ENOX1: variants seen among roughly 807,000 people sequenced by gnomAD.
ENOX1 encodes candidate growth-related and time keeping constitutive hydroquinone (NADH) oxidase.
In ENOX1, 42 loss-of-function variants were observed where a neutral mutation model predicts 82.5. The observed-to-expected ratio is 0.51, with a 90% CI of 0.40 to 0.66. The LOEUF is 0.66. Among genes scored for constraint, ENOX1 ranks in the 30% least tolerant of loss-of-function variants. The pLI is 0.00. For missense variants in ENOX1, 608 were observed against 811.6 expected (o/e 0.75, Z 3.05); for synonymous variants, 271 against 282.2 (o/e 0.96, Z 0.40).
chr13:43,761,334 G>A (rs990844411), intron 1 of ENOX1, among the ~76,000 whole-genome samples: 5 of 152,118 alleles, frequency 3.3e-5, no homozygotes, highest in African/African-American at 9.7e-5. Flanking sequence ...TACCTCAGAC[G>A]ATAAAGAAAA....
At chr13:43,474,698 C>G (rs1366189002) in intron 3 of ENOX1, among the ~76,000 whole-genome samples, 1 of 152,152 alleles carries the variant, frequency 6.6e-6, no homozygotes, top group Non-Finnish European at 1.5e-5. Context: ...TGAATATTTT[C>G]TCAAACTGTA....
intron 2 of ENOX1, among the ~76,000 whole-genome samples, chr13:43,661,991 T>C (rs986976779): frequency 2.5e-5 from 2 of 80,972 alleles, no homozygotes; most frequent in African/African-American, 4.6e-5. Context: ...GAACAACAGA[T>C]TGATTTTTTT....
At chr13:43,274,049 C>T (rs1048592354) in intron 12 of ENOX1, among the ~76,000 whole-genome samples, 2 of 152,010 alleles carry the variant, frequency 1.3e-5, no homozygotes, top group Non-Finnish European at 2.9e-5. Flanking sequence ...CAAAAACAAC[C>T]CCCCAAAACA....
chr13:43,412,055 T>A lies in ENOX1; in HGVS notation c.71-2A>T, dbSNP rs1170954151. The A allele has an allele frequency of 1.2e-6, 2 of 1,613,214 alleles. No homozygotes were observed. The highest frequency in any genetic ancestry group is 1.7e-6 in the Non-Finnish European group (2 of 1,179,356). On this transcript the variant is annotated splice_acceptor_variant, in intron 4 of 16. Coordinates refer to ENST00000690772, the MANE Select transcript of ENOX1 (RefSeq NM_001347969.2). LOFTEE classifies it high-confidence loss of function. ...CTATACTCCCCAAACCATCGGCTGC[T>A]GTGGGGAAAAACAAACCATGATTTA... is the stretch of plus-strand genomic sequence containing the variant.
intron 1 of ENOX1, among the ~76,000 whole-genome samples, chr13:43,711,765 G>A (rs1350671272): frequency 6.6e-6 from 1 of 151,462 alleles, no homozygotes; most frequent in Non-Finnish European, 1.5e-5. Context: ...TTTTGATGGG[G>A]TTGTTTGTTT....
chr13:43,470,310 ATATATACACATATATATATG>A lies in ENOX1; in HGVS notation c.-75+13679_-75+13698del, dbSNP rs1413740186. On this transcript the variant is annotated intron_variant, in intron 3 of 16. Transcript: ENST00000690772. ...TATATATATACACATATATATACAT[ATATATACACATATATATATG>A]TATATATATACGTATATATATATGT... Among the ~76,000 whole-genome samples, 207 of 57,606 alleles carry A rather than the reference ATATATACACATATATATATG, an allele frequency of 3.6e-3. 5 individuals are homozygous for A. The highest frequency in any genetic ancestry group is 5.5e-3 in the East Asian group (19 of 3,484). The allele number at this position is 57,606 out of a possible 152,430, so 37.8% of individuals were successfully genotyped here. A position where few individuals can be genotyped will look rare whatever the true frequency, so the allele number is the denominator to read the frequency against.
chr13:43,321,671 G>C (rs999723348), intron 11 of ENOX1, among the ~76,000 whole-genome samples: 3 of 152,194 alleles, frequency 2.0e-5, no homozygotes, highest in Non-Finnish European at 2.9e-5. Context: ...TTTTGGGAAT[G>C]ATGGCAATTA....
chr13:43,635,646 T>A lies in ENOX1; in HGVS notation c.-219+31833A>T, dbSNP rs536319320. Among the ~76,000 whole-genome samples the A allele has an allele frequency of 3.9e-5, 6 of 152,256 alleles. No individual in the cohort carries two copies. In the East Asian group the frequency reaches 1.2e-3, roughly 29 times the overall value. On this transcript the variant is annotated intron_variant, in intron 2 of 16. Coordinates refer to ENST00000690772, the MANE Select transcript of ENOX1 (RefSeq NM_001347969.2). ...GTCTAAAATTATCCAATATAAAATA[T>A]GATGTATATCAGGATTTTGTTGGAT...
intron 2 of ENOX1, among the ~76,000 whole-genome samples, chr13:43,585,612 C>T (rs2080941526): frequency 6.6e-6 from 1 of 152,240 alleles, no homozygotes; most frequent in African/African-American, 2.4e-5. Flanking sequence ...GAGTCTCACA[C>T]TGTGGCCTGG....
intron 9 of ENOX1, among the ~76,000 whole-genome samples, chr13:43,328,321 A>AAC (rs2048231972): frequency 6.6e-6 from 1 of 152,190 alleles, no homozygotes; most frequent in African/African-American, 2.4e-5. Context: ...GGCAACACAG[A>AAC]ACAGTCAGCC....
At chr13:43,352,378 C>A (rs1382918193) in intron 8 of ENOX1, among the ~76,000 whole-genome samples, 2 of 152,192 alleles carry the variant, frequency 1.3e-5, no homozygotes, top group Non-Finnish European at 2.9e-5. Flanking sequence ...CAAGAGAAAT[C>A]CCGGTGAATT....
At position 43,526,489 on chromosome 13, in the gene ENOX1, G is replaced by GA. The variant is rs950238827; in HGVS notation, c.-218-42338dup. Among the ~76,000 whole-genome samples the GA allele has an allele frequency of 5.4e-4, 82 of 151,674 alleles. No individual in the cohort carries two copies. The East Asian group carries it at 7.4e-3, about 14-fold the overall frequency. On this transcript the variant is annotated intron_variant, in intron 2 of 16. Transcript: ENST00000690772. ...AAAAGGCATAGCTTTCTAAAATACT[G>GA]AAAAAAAATAAAATTTTAATGTTCT... is the stretch of plus-strand genomic sequence containing the variant.
At chr13:43,642,421 A>C (rs73184177) in intron 2 of ENOX1, among the ~76,000 whole-genome samples, 1 of 152,344 alleles carries the variant, frequency 6.6e-6, no homozygotes, top group Non-Finnish European at 1.5e-5. Context: ...AGTTTAAACA[A>C]GAAAGTTTCC....
intron 1 of ENOX1, among the ~76,000 whole-genome samples, chr13:43,759,624 A>G (rs868396899): frequency 2.6e-5 from 4 of 152,246 alleles, no homozygotes; most frequent in Non-Finnish European, 5.9e-5. Flanking sequence ...TCAGAGGATG[A>G]CACTCTAAAC....
intron 1 of ENOX1, among the ~76,000 whole-genome samples, chr13:43,750,283 T>A (rs966115891): frequency 6.6e-6 from 1 of 152,160 alleles, no homozygotes; most frequent in Non-Finnish European, 1.5e-5. Context: ...TACAGTAGAA[T>A]CAGTGCAGAT....
chr13:43,524,918 T>C (rs951268306), intron 2 of ENOX1, among the ~76,000 whole-genome samples: 14 of 152,192 alleles, frequency 9.2e-5, no homozygotes, highest in African/African-American at 3.4e-4. Flanking sequence ...GAAGTCTGAG[T>C]GGTAACTTTG....
intron 1 of ENOX1, among the ~76,000 whole-genome samples, chr13:43,671,878 G>A (rs1566744051): frequency 1.3e-5 from 2 of 152,154 alleles, no homozygotes; most frequent in Admixed American, 6.5e-5. Flanking sequence ...GAGTTTAGTG[G>A]AAAAGCCAGT....
intron 3 of ENOX1, among the ~76,000 whole-genome samples, chr13:43,441,132 G>A (rs2056334025): frequency 6.6e-6 from 1 of 152,172 alleles, no homozygotes; most frequent in South Asian, 2.1e-4. Flanking sequence ...TCTAATGTAA[G>A]ATCAGTAGTC....
At chr13:43,337,478 T>G (rs1347170373) in intron 9 of ENOX1, among the ~76,000 whole-genome samples, 2 of 152,188 alleles carry the variant, frequency 1.3e-5, no homozygotes, top group Admixed American at 6.5e-5. Context: ...GATTATGGGT[T>G]ATAATGGATA....
Sources: allele counts gnomAD v4.1 joint callset (sites outside exome capture counted in the v4.1 genomes callset), GRCh38; gene constraint gnomAD v4.1.1; transcripts MANE v1.5; gene names NCBI Gene and HGNC (gene_info 2026-07-23, HGNC 2026-07-21).